Variants in IL1RAPL2 observed in about 807,000 individuals in gnomAD.
IL1RAPL2 encodes the protein X-linked interleukin-1 receptor accessory protein-like 2.
A neutral mutation model predicts 44.1 loss-of-function variants in IL1RAPL2; 3 were observed. The observed-to-expected ratio is 0.07, with a 90% CI of 0.03 to 0.18. The LOEUF is 0.18. Among genes scored for constraint, IL1RAPL2 ranks in the 10% least tolerant of loss-of-function variants. The pLI, the probability that IL1RAPL2 is intolerant of heterozygous loss-of-function variation, is 1.00. For synonymous variants in IL1RAPL2, 181 were observed against 178.8 expected (o/e 1.01, Z -0.10); for missense variants, 391 against 496.4 (o/e 0.79, Z 2.02).
intron 2 of IL1RAPL2, among the ~76,000 whole-genome samples, chrX:104,910,412 A>G (rs1924198152): frequency 8.9e-6 from 1 of 112,092 alleles, no homozygotes. Context: ...GTACATGTGC[A>G]GAATGTGCAG....
At chrX:104,770,992 A>G (rs1343411) in intron 2 of IL1RAPL2, among the ~76,000 whole-genome samples, 40,987 of 110,593 alleles carry the variant, frequency 0.37, 5,906 homozygotes, top group East Asian at 0.46. Flanking sequence ...TCATTCAAAG[A>G]TGGTCTATTT....
intron 2 of IL1RAPL2, among the ~76,000 whole-genome samples, chrX:104,879,365 TAAAAAAA>T (rs753494292): frequency 3.2e-5 from 1 of 31,056 alleles, no homozygotes; most frequent in Non-Finnish European, 5.5e-5. Context: ...GCAAAACTAG[TAAAAAAA>T]AAAAAAAAAA....
intron 2 of IL1RAPL2, among the ~76,000 whole-genome samples, chrX:104,851,237 C>T (rs1922217679): frequency 9.0e-6 from 1 of 111,510 alleles, no homozygotes; most frequent in Non-Finnish European, 1.9e-5. Flanking sequence ...GTAACCAAAC[C>T]AAAATGACAC....
intron 5 of IL1RAPL2, among the ~76,000 whole-genome samples, chrX:105,476,771 TG>T (rs2036200194): frequency 8.9e-6 from 1 of 112,350 alleles, no homozygotes; most frequent in Non-Finnish European, 1.9e-5. Context: ...AACATATGCC[TG>T]GGCTCTTTTC....
rs1019830320 is a variant in IL1RAPL2 at position 105,755,667 on chromosome X, A to G, written c.1363+320A>G. Among the ~76,000 whole-genome samples, 18 of 112,015 alleles carry G rather than the reference A, an allele frequency of 1.6e-4. 1 individual carries two copies. Among genetic ancestry groups the G allele is most frequent in the Admixed American group, 1.5e-3 (16 of 10,542 alleles). ...AGTTAAAGCCTTTTCAATATATTTC[A>G]GTTGCAAAGCTGGTCTTCTGTCACT... On this transcript the variant is annotated intron_variant, in intron 10 of 10. Coordinates refer to ENST00000372582, the MANE Select transcript of IL1RAPL2 (RefSeq NM_017416.2).
Position 105,599,020 on chromosome X carries a change from C to T in IL1RAPL2, c.772+114633C>T, listed in dbSNP as rs766801496. Among the ~76,000 whole-genome samples the T allele has an allele frequency of 3.6e-5, 4 of 112,002 alleles. No homozygotes were observed. In the Admixed American group the frequency reaches 3.8e-4, roughly 11 times the overall value. On this transcript the variant is annotated intron_variant, in intron 6 of 10. Transcript: ENST00000372582. ...TCACAATAAGCAATCATTGATTTAC[C>T]TTTTAAGTACCACTTTGTCAAAATG...
intron 4 of IL1RAPL2, among the ~76,000 whole-genome samples, chrX:105,254,443 C>A (rs903143720): frequency 8.9e-6 from 1 of 111,986 alleles, no homozygotes; most frequent in African/African-American, 3.2e-5. Context: ...CTTATAGATG[C>A]TGGATATTAG....
intron 5 of IL1RAPL2, among the ~76,000 whole-genome samples, chrX:105,385,050 A>T (rs1409812600): frequency 9.0e-6 from 1 of 111,401 alleles, no homozygotes; most frequent in African/African-American, 3.3e-5. Context: ...ATAATTTAAA[A>T]ACAAGAATAA....
chrX:105,489,787 T>C (rs199721576), intron 6 of IL1RAPL2, among the ~76,000 whole-genome samples: 75 of 73,373 alleles, frequency 1.0e-3, no homozygotes, highest in African/African-American at 3.3e-3. Context: ...CTTTCTCTCT[T>C]TCTCTCTCTC....
chrX:105,183,164 G>A (rs1209285313), intron 2 of IL1RAPL2, among the ~76,000 whole-genome samples: 1 of 111,397 alleles, frequency 9.0e-6, no homozygotes, highest in African/African-American at 3.3e-5. Flanking sequence ...GACCCACTGT[G>A]GTGGGTGCAG....
chrX:105,221,954 T>C (rs1156301111), intron 3 of IL1RAPL2, among the ~76,000 whole-genome samples: 1 of 111,759 alleles, frequency 8.9e-6, no homozygotes, highest in East Asian at 2.8e-4. Context: ...TTAGGGAATG[T>C]CCATGTTTCT....
intron 5 of IL1RAPL2, among the ~76,000 whole-genome samples, chrX:105,292,075 A>G (rs549066531): frequency 7.9e-4 from 88 of 111,584 alleles, no homozygotes; most frequent in Middle Eastern, 9.4e-3. Context: ...GGACAACTGT[A>G]CTAATGAAAT....
At chrX:105,660,803 A>G (rs2037714294) in intron 6 of IL1RAPL2, among the ~76,000 whole-genome samples, 2 of 111,706 alleles carry the variant, frequency 1.8e-5, no homozygotes, top group African/African-American at 6.5e-5. Context: ...AAAGCAATAA[A>G]TTAAAACACA....
chrX:105,171,161 A>T (rs771224283), intron 2 of IL1RAPL2, among the ~76,000 whole-genome samples: 17 of 111,780 alleles, frequency 1.5e-4, no homozygotes, highest in African/African-American at 5.2e-4. Flanking sequence ...TTGAGAATTC[A>T]CCATTTTGGT....
intron 2 of IL1RAPL2, among the ~76,000 whole-genome samples, chrX:104,818,784 T>C: frequency 1.3e-5 from 1 of 75,957 alleles, no homozygotes; most frequent in African/African-American, 5.0e-5. Context: ...AAAGTTATAG[T>C]GGATGTTTAT....
intron 2 of IL1RAPL2, among the ~76,000 whole-genome samples, chrX:104,798,687 T>C (rs1932866991): frequency 9.1e-6 from 1 of 110,402 alleles, no homozygotes; most frequent in African/African-American, 3.3e-5. Flanking sequence ...TACAAGCTCA[T>C]TTTTTTGCCC....
intron 2 of IL1RAPL2, among the ~76,000 whole-genome samples, chrX:104,892,986 T>C: frequency 8.9e-6 from 1 of 112,005 alleles, no homozygotes; most frequent in Non-Finnish European, 1.9e-5. Context: ...GATTCTGGTA[T>C]GTTGTGTCTT....
At chrX:105,056,965 C>G (rs1273113206) in intron 2 of IL1RAPL2, among the ~76,000 whole-genome samples, 1 of 110,572 alleles carries the variant, frequency 9.0e-6, no homozygotes, top group African/African-American at 3.3e-5. Context: ...ATTTTTGCAT[C>G]TCCTGCTCTG....
At chrX:104,963,316 G>A (rs745530501) in intron 2 of IL1RAPL2, among the ~76,000 whole-genome samples, 27 of 111,911 alleles carry the variant, frequency 2.4e-4, no homozygotes, top group Non-Finnish European at 4.1e-4. Context: ...ACTTACATTT[G>A]ATCTTCCAAC....
Sources: allele counts gnomAD v4.1 joint callset (sites outside exome capture counted in the v4.1 genomes callset), GRCh38; gene constraint gnomAD v4.1.1; transcripts MANE v1.5; gene names NCBI Gene and HGNC (gene_info 2026-07-23, HGNC 2026-07-21).